DLEU7: variants seen among roughly 807,000 people sequenced by gnomAD.
DLEU7 encodes leukemia-associated protein 7.
A neutral mutation model predicts 16.0 loss-of-function variants in DLEU7; 17 were observed. The ratio of observed to expected loss-of-function variants is 1.06; its 90% CI spans 0.73 to 1.59. DLEU7 has a LOEUF of 1.59. Among genes scored for constraint, DLEU7 ranks in the 40% most tolerant of loss-of-function variants. The probability of loss-of-function intolerance (pLI) is 0.00; values close to 1 mark genes in which losing one functional copy is unlikely to be tolerated. For synonymous variants in DLEU7, 113 were observed against 139.8 expected, an observed-to-expected ratio of 0.81 and a Z score of 1.35; for missense variants, 308 against 314.9, an observed-to-expected ratio of 0.98 and a Z score of 0.17.
intron 1 of DLEU7, among the ~76,000 whole-genome samples, chr13:50,815,322 C>T (rs533968867): frequency 6.6e-6 from 1 of 151,788 alleles, no homozygotes. Context: ...CCATTGTCGA[C>T]AGAAAAATCT....
rs891732342 is a variant in DLEU7, at chr13:50,736,982, G to A, written c.460-23742C>T. On this transcript the variant is annotated intron_variant, in intron 1 of 1. Transcript: ENST00000400393. ...AAGGTAAAACTGAAATCTGAATAGCGCAATATCATGTTTCAGGATAATTTT... is the reference window on the plus strand; with the variant it reads ...AAGGTAAAACTGAAATCTGAATAGCACAATATCATGTTTCAGGATAATTTT... Among the ~76,000 whole-genome samples, 9 of 152,042 alleles carry A rather than the reference G, an allele frequency of 5.9e-5. No homozygotes were observed. The East Asian group carries it at 7.7e-4, about 13-fold the overall frequency.
At chr13:50,769,963 G>T (rs1008535700) in intron 1 of DLEU7, among the ~76,000 whole-genome samples, 4 of 152,106 alleles carry the variant, frequency 2.6e-5, no homozygotes, top group African/African-American at 9.7e-5. Context: ...TTATTTCGTT[G>T]AGCAGTGGTT....
downstream of DLEU7, chr13:50,711,772 C>CCGGGCGGGGGGGGGGGG: frequency 1.4e-5 from 1 of 72,928 alleles, no homozygotes; most frequent in Non-Finnish European, 3.3e-5. Flanking sequence ...GACCCAGTGG[C>CCGGGCGGGGGGGGGGGG]GGGGGCGGGG....
intron 1 of DLEU7, among the ~76,000 whole-genome samples, chr13:50,832,033 G>A (rs1321217628): frequency 2.0e-5 from 3 of 152,020 alleles, no homozygotes; most frequent in Non-Finnish European, 2.9e-5. Context: ...CTTTTTCTAC[G>A]ATTTGGAATA....
intron 1 of DLEU7, among the ~76,000 whole-genome samples, chr13:50,732,699 C>T (rs777029486): frequency 1.3e-5 from 2 of 149,590 alleles, no homozygotes; most frequent in Non-Finnish European, 3.0e-5. Context: ...AAAATGATCA[C>T]ACTATGTTAA....
downstream of DLEU7, among the ~76,000 whole-genome samples, chr13:50,821,145 T>C (rs1593409474): frequency 6.6e-6 from 1 of 152,044 alleles, no homozygotes; most frequent in Admixed American, 6.6e-5. Flanking sequence ...TGGGTGTTTT[T>C]CTCCAGCCAT....
chr13:50,835,942 C>A (rs557036595), intron 1 of DLEU7, among the ~76,000 whole-genome samples: 4 of 152,294 alleles, frequency 2.6e-5, no homozygotes, highest in Non-Finnish European at 4.4e-5. Flanking sequence ...CATTTGAAAG[C>A]CTGTTTTCTG....
At chr13:50,721,921 T>C (rs1055939567) in intron 1 of DLEU7, among the ~76,000 whole-genome samples, 2 of 152,166 alleles carry the variant, frequency 1.3e-5, no homozygotes, top group African/African-American at 4.8e-5. Context: ...GCTGAAAATA[T>C]AATATTCAGC....
chr13:50,726,989 G>T lies in DLEU7; in HGVS notation c.460-13749C>A, dbSNP rs77789684. 7.8e-3 allele frequency among the ~76,000 whole-genome samples: 1,182 copies of T among 152,244 alleles called. 7 individuals are homozygous for T. Among genetic ancestry groups the T allele is most frequent in the Non-Finnish European group, 0.013 (856 of 68,016 alleles). On this transcript the variant is annotated intron_variant, in intron 1 of 1. Transcript: ENST00000400393. This position sits in a 1 kb window ranked among gnomAD's most constrained non-coding sequence, Gnocchi z 4.0. Reference sequence around the variant, plus strand: ...TATCCTCAATTTTATATGTTTTTCTGGGCAATGTTTTAAGCACTGCACATA... The same window carrying T: ...TATCCTCAATTTTATATGTTTTTCTTGGCAATGTTTTAAGCACTGCACATA...
exon 2 of DLEU7, chr13:50,713,216 T>G (rs2137698675): frequency 6.2e-7 from 1 of 1,611,330 alleles, no homozygotes; most frequent in East Asian, 2.2e-5. Context: ...AGTGACCTTC[T>G]TCACTCATTA....
chr13:50,803,648 T>C (rs532537670), intron 1 of DLEU7, among the ~76,000 whole-genome samples: 3 of 152,234 alleles, frequency 2.0e-5, no homozygotes, highest in South Asian at 4.1e-4. Flanking sequence ...ATTTTTGATA[T>C]GACAAATTAA....
At position 50,768,596 on chromosome 13, in the gene DLEU7, C is replaced by T. The variant is rs556406618; in HGVS notation, c.460-55356G>A. On this transcript the variant is annotated intron_variant, in intron 1 of 1. Coordinates refer to the DLEU7 transcript ENST00000400393. ...GATGGTTTCCAGCTTCAGCCATGTC[C>T]TTACAAAGGACATAAATTCATCCCT... 1.0e-3 allele frequency among the ~76,000 whole-genome samples: 153 copies of T among 152,238 alleles called. 2 individuals are homozygous for T. Among genetic ancestry groups the T allele is most frequent in the Non-Finnish European group, 1.8e-3 (124 of 68,004 alleles).
downstream of DLEU7, chr13:50,711,667 T>A (rs1388360318): frequency 6.6e-6 from 1 of 152,146 alleles, no homozygotes; most frequent in Non-Finnish European, 1.5e-5. Flanking sequence ...TTGCAAAGTC[T>A]AATCTGGAAG....
chr13:50,784,692 C>A (rs897523797), intron 1 of DLEU7, among the ~76,000 whole-genome samples: 1 of 152,220 alleles, frequency 6.6e-6, no homozygotes, highest in Non-Finnish European at 1.5e-5. Context: ...TGCCACTTCT[C>A]CCTAGCGGTG....
intron 1 of DLEU7, among the ~76,000 whole-genome samples, chr13:50,804,941 C>T (rs577278316): frequency 1.5e-4 from 23 of 151,756 alleles, no homozygotes; most frequent in African/African-American, 5.3e-4. Context: ...TATTTTTTTT[C>T]AGTTGGCTCA....
intron 1 of DLEU7, among the ~76,000 whole-genome samples, chr13:50,815,331 C>A (rs1876698758): frequency 6.6e-6 from 1 of 151,292 alleles, no homozygotes; most frequent in South Asian, 2.1e-4. Flanking sequence ...ACAGAAAAAT[C>A]TCTACACTCA....
downstream of DLEU7, among the ~76,000 whole-genome samples, chr13:50,820,130 C>A (rs974127554): frequency 1.3e-5 from 2 of 152,020 alleles, no homozygotes; most frequent in African/African-American, 4.8e-5. Context: ...TGTGAATCTA[C>A]CATGGAATTT....
rs139921669 is a variant in DLEU7, at chr13:50,804,903, A to G, written c.459+38285T>C. ...GTATATATTTACTTTATAACCAAAG[A>G]CCTAACTGAATTCCACTATTGTTCT... On this transcript the variant is annotated intron_variant, in intron 1 of 1. Coordinates refer to the DLEU7 transcript ENST00000400393. 1.7e-3 allele frequency among the ~76,000 whole-genome samples: 256 copies of G among 152,160 alleles called. 5 individuals carry two copies. In the East Asian group the frequency reaches 0.025, roughly 15 times the overall value.
chr13:50,834,068 A>G (rs1566268458), intron 1 of DLEU7, among the ~76,000 whole-genome samples: 1 of 152,342 alleles, frequency 6.6e-6, no homozygotes, highest in East Asian at 1.9e-4. Flanking sequence ...TAAATGTAAG[A>G]CCTAAAACCA....
Sources: gnomAD v4.1 joint callset for allele counts (sites outside exome capture counted in the v4.1 genomes callset) on GRCh38, gnomAD v4.1.1 for gene constraint, Gnocchi (gnomAD v3.1) non-coding constraint, MANE v1.5 for transcripts, NCBI Gene and HGNC (gene_info 2026-07-23, HGNC 2026-07-21) for gene names.